Variants in ANKRD13C observed in about 807,000 individuals in gnomAD.
ANKRD13C encodes the protein ankyrin repeat domain 13C.
ANKRD13C carries 16 observed loss-of-function variants against 65.5 expected under a neutral mutation model. That is an observed-to-expected ratio of 0.24 (90% CI 0.17 to 0.37). The LOEUF (loss-of-function observed/expected upper bound fraction) is 0.37. ANKRD13C is among the 10% of genes least tolerant of loss of function. The pLI is 1.00. For synonymous variants in ANKRD13C, 235 were observed against 238.7 expected (o/e 0.98, Z 0.14); for missense variants, 503 against 655.9 (o/e 0.77, Z 2.55).
chr1:70,321,010 T>C (rs927102472), intron 3 of ANKRD13C, among the ~76,000 whole-genome samples: 26 of 151,970 alleles, frequency 1.7e-4, no homozygotes, highest in Non-Finnish European at 1.8e-4. Flanking sequence ...GCTCAAGCAA[T>C]CTGCCTGCTT....
chr1:70,293,809 A>C (rs753006899), intron 8 of ANKRD13C, among the ~76,000 whole-genome samples: 31 of 152,290 alleles, frequency 2.0e-4, no homozygotes, highest in Non-Finnish European at 3.8e-4. Flanking sequence ...AGTTTTTGAA[A>C]CCTTATAATG....
At chr1:70,347,117 A>G (rs61782671) in intron 1 of ANKRD13C, among the ~76,000 whole-genome samples, 1 of 143,480 alleles carries the variant, frequency 7.0e-6, no homozygotes, top group South Asian at 2.3e-4. Flanking sequence ...AAAAAAAAAA[A>G]GGCAGTTCAT....
intron 11 of ANKRD13C, among the ~76,000 whole-genome samples, chr1:70,273,768 T>G (rs1037190647): frequency 7.2e-5 from 11 of 152,122 alleles, no homozygotes; most frequent in African/African-American, 2.4e-4. Flanking sequence ...GCGATTCTCC[T>G]GCCTCAGCCT....
intron 12 of ANKRD13C, among the ~76,000 whole-genome samples, chr1:70,265,373 A>T (rs114286004): frequency 0.013 from 1,924 of 152,330 alleles, 48 homozygotes; most frequent in African/African-American, 0.043. Flanking sequence ...AGAAAAGTCA[A>T]ATCTTGAAGA....
chr1:70,301,623 C>T lies in ANKRD13C; in HGVS notation c.777-715G>A, dbSNP rs545445541. Among the ~76,000 whole-genome samples the T allele has an allele frequency of 1.8e-4, 27 of 152,208 alleles. 1 individual carries two copies. The South Asian group carries it at 5.6e-3, about 32-fold the overall frequency. ...TCTTTCCCAACCAATATCTCCACAC[C>T]CTGGAAACCTTACAGATCATTCTGT... On this transcript the variant is annotated intron_variant, in intron 6 of 12. Transcript: ENST00000370944.
chr1:70,336,164 A>T (rs929718603), intron 1 of ANKRD13C, 65 bp from the exon 2 acceptor site: 37 of 415,400 alleles, frequency 8.9e-5, no homozygotes, highest in Non-Finnish European at 1.3e-4. Flanking sequence ...TTTACTTAAA[A>T]GTGGTTTCAG....
chr1:70,264,432 C>T (rs148822175), intron 12 of ANKRD13C, among the ~76,000 whole-genome samples: 21 of 141,480 alleles, frequency 1.5e-4, no homozygotes, highest in African/African-American at 1.8e-4. Context: ...GCCAAGATTG[C>T]GCCACTACAC....
At chr1:70,303,113 T>C (rs1251804044) in intron 6 of ANKRD13C, among the ~76,000 whole-genome samples, 1 of 152,188 alleles carries the variant, frequency 6.6e-6, no homozygotes, top group Non-Finnish European at 1.5e-5. Context: ...ACTTCCCAGT[T>C]ATATAAATTA....
At chr1:70,276,380 G>C (rs270487) in intron 10 of ANKRD13C, among the ~76,000 whole-genome samples, 68,321 of 151,866 alleles carry the variant, frequency 0.45, 15,719 homozygotes, top group South Asian at 0.6. Flanking sequence ...TAATGAATGG[G>C]CTTGCACACT....
Position 70,265,932 on chromosome 1 carries a change from GGGAGGGAA to G in ANKRD13C, c.1496-3093_1496-3086del, listed in dbSNP as rs140841620. Reference sequence around the variant, plus strand: ...ACGGAAGGAAAGAGAGAGGGAGGAAGGGAGGGAAGAAGGAAGGAAGGAGGAAGCAAGGG... The same window carrying G: ...ACGGAAGGAAAGAGAGAGGGAGGAAGGAAGGAAGGAAGGAGGAAGCAAGGG... On this transcript the variant is annotated intron_variant, in intron 12 of 12. Coordinates refer to ENST00000370944, the MANE Select transcript of ANKRD13C (RefSeq NM_030816.5). Among the ~76,000 whole-genome samples the G allele has an allele frequency of 2.0e-5, 3 of 149,748 alleles. No homozygotes were observed. In the East Asian group the frequency reaches 5.9e-4, roughly 29 times the overall value.
intron 9 of ANKRD13C, among the ~76,000 whole-genome samples, chr1:70,289,945 A>AT (rs1679789490): frequency 6.6e-6 from 1 of 152,200 alleles, no homozygotes; most frequent in African/African-American, 2.4e-5. Context: ...TGAGCTCAGC[A>AT]TTCCCGCTAT....
At chr1:70,291,457 G>A (rs1679865601) in intron 9 of ANKRD13C, among the ~76,000 whole-genome samples, 1 of 152,156 alleles carries the variant, frequency 6.6e-6, no homozygotes, top group Non-Finnish European at 1.5e-5. Flanking sequence ...AATAAGATTT[G>A]AGGAGCAGTT....
chr1:70,314,524 C>T (rs896657244), intron 4 of ANKRD13C, among the ~76,000 whole-genome samples: 1 of 151,104 alleles, frequency 6.6e-6, no homozygotes, highest in Non-Finnish European at 1.5e-5. Context: ...CATGCCTGGC[C>T]GAAAAAAAAT....
intron 1 of ANKRD13C, 100 bp from the exon 2 acceptor site, chr1:70,336,199 A>AT (rs1177341320): frequency 3.6e-6 from 1 of 279,860 alleles, no homozygotes; most frequent in African/African-American, 2.2e-5. Flanking sequence ...TCACTGGCAG[A>AT]TTTTAAGCAA....
In ANKRD13C at chr1:70,268,176, G is replaced by A. The variant is rs4650035; in HGVS notation, c.1495+2680C>T. Among the ~76,000 whole-genome samples, 835 of 149,792 alleles carry A rather than the reference G, an allele frequency of 5.6e-3. 6 individuals are homozygous for A. Among genetic ancestry groups the A allele is most frequent in the African/African-American group, 0.019 (740 of 39,690 alleles). On this transcript the variant is annotated intron_variant, in intron 12 of 12. Transcript: ENST00000370944. ...AGTCACTCATACAGCTAGCTTCCCC[G>A]CCCCCACCTTGAGACAGAGTCTTGC...
chr1:70,323,910 G>C (rs1681424486), intron 3 of ANKRD13C, among the ~76,000 whole-genome samples: 1 of 151,702 alleles, frequency 6.6e-6, no homozygotes, highest in Admixed American at 6.6e-5. Context: ...ATTTTTAGTA[G>C]AGACGGGGTT....
intron 9 of ANKRD13C, among the ~76,000 whole-genome samples, chr1:70,279,700 A>C (rs1331191141): frequency 6.6e-6 from 1 of 151,764 alleles, no homozygotes; most frequent in Non-Finnish European, 1.5e-5. Flanking sequence ...ATGGGGTTTC[A>C]CCATGTTGGC....
At chr1:70,346,041 A>T (rs1473680912) in intron 1 of ANKRD13C, among the ~76,000 whole-genome samples, 1 of 151,810 alleles carries the variant, frequency 6.6e-6, no homozygotes, top group Admixed American at 6.6e-5. Context: ...TATGTTGACC[A>T]GGGTGGTCTC....
chr1:70,331,854 G>C, intron 2 of ANKRD13C, among the ~76,000 whole-genome samples: 1 of 128,638 alleles, frequency 7.8e-6, no homozygotes, highest in Middle Eastern at 5.1e-3. Flanking sequence ...GGAACACTAA[G>C]TATAAAGTAG....
Sources: allele counts gnomAD v4.1 joint callset (sites outside exome capture counted in the v4.1 genomes callset), GRCh38; gene constraint gnomAD v4.1.1; transcripts MANE v1.5; gene names NCBI Gene and HGNC (gene_info 2026-07-23, HGNC 2026-07-21).